Variants in COLEC12 observed in about 807,000 individuals in gnomAD.
COLEC12 encodes the protein collectin subfamily member 12.
A neutral mutation model predicts 71.1 loss-of-function variants in COLEC12; 33 were observed. The observed-to-expected ratio is 0.46, with a 90% CI of 0.35 to 0.62. The LOEUF (loss-of-function observed/expected upper bound fraction) is 0.62. Among genes scored for constraint, COLEC12 ranks in the 20% least tolerant of loss-of-function variants. The pLI is 0.00. For synonymous variants in COLEC12, 350 were observed against 353.0 expected (o/e 0.99, Z 0.10); for missense variants, 765 against 916.1 (o/e 0.84, Z 2.13).
intron 2 of COLEC12, among the ~76,000 whole-genome samples, chr18:361,613 C>A (rs1019972368): frequency 6.6e-6 from 1 of 152,174 alleles, no homozygotes; most frequent in Non-Finnish European, 1.5e-5. Context: ...TCTCTGTAAT[C>A]TGATGGTATA....
In COLEC12 at chr18:368,636, G is replaced by A. The variant is rs527763385; in HGVS notation, c.59-11114C>T. 1.8e-4 allele frequency among the ~76,000 whole-genome samples: 27 copies of A among 152,098 alleles called. No individual in the cohort carries two copies. The South Asian group carries it at 3.7e-3, about 21-fold the overall frequency. On this transcript the variant is annotated intron_variant, in intron 2 of 9. Transcript: ENST00000400256. ...TCCCAGAACTTTGGGAGGCCAAGGT[G>A]GGCGGATCATGAGGTCAGGAGATCG... is the stretch of plus-strand genomic sequence containing the variant.
At chr18:455,461 G>A (rs1165243666) in intron 2 of COLEC12, among the ~76,000 whole-genome samples, 1 of 151,938 alleles carries the variant, frequency 6.6e-6, no homozygotes, top group African/African-American at 2.4e-5. Context: ...GTATTTTTTA[G>A]TAGAGACGGG....
intron 2 of COLEC12, among the ~76,000 whole-genome samples, chr18:455,008 G>A (rs563580721): frequency 9.2e-5 from 14 of 152,204 alleles, no homozygotes; most frequent in African/African-American, 3.4e-4. Flanking sequence ...CATACTTGAC[G>A]ATCACAGATG....
At chr18:386,327 G>A (rs189000753) in intron 2 of COLEC12, among the ~76,000 whole-genome samples, 2 of 152,264 alleles carry the variant, frequency 1.3e-5, no homozygotes, top group South Asian at 2.1e-4. Context: ...AGACTAAAAC[G>A]TGGTCACTGC....
At chr18:351,810 G>A (rs1914529060) in intron 3 of COLEC12, among the ~76,000 whole-genome samples, 1 of 152,208 alleles carries the variant, frequency 6.6e-6, no homozygotes, top group South Asian at 2.1e-4. Flanking sequence ...ACGTATACAT[G>A]TGCCATGTTC....
Position 319,333 on chromosome 18 carries a change from A to ATAT in COLEC12, c.*711_*712insATA, listed in dbSNP as rs1400580381. Reference sequence around the variant, plus strand: ...GGAAATGAAACATTAAAAAAAAAAAAAAAAAAAAATATATATATATATATA... The same window carrying ATAT: ...GGAAATGAAACATTAAAAAAAAAAAATATAAAAAAAAATATATATATATATATA... On this transcript the variant is annotated 3_prime_UTR_variant, in exon 10 of 10. Coordinates refer to ENST00000400256, the MANE Select transcript of COLEC12 (RefSeq NM_130386.3). The ATAT allele has an allele frequency of 1.1e-3, 74 of 65,926 alleles. No individual in the cohort carries two copies. The highest frequency in any genetic ancestry group is 2.9e-3 in the African/African-American group (63 of 21,874). 4.1% of individuals were successfully genotyped at this position (65,926 alleles called of 1,614,324 possible).
chr18:389,556 T>C (rs1435669739), intron 2 of COLEC12, among the ~76,000 whole-genome samples: 1 of 151,618 alleles, frequency 6.6e-6, no homozygotes, highest in Non-Finnish European at 1.5e-5. Context: ...GAGATTACTA[T>C]GCATGAGCCA....
At chr18:401,869 G>A (rs12605749) in intron 2 of COLEC12, among the ~76,000 whole-genome samples, 11,225 of 152,212 alleles carry the variant, frequency 0.074, 546 homozygotes, top group Admixed American at 0.13. Flanking sequence ...ATGATGATCT[G>A]AAACTTGGCG....
chr18:351,137 G>A (rs1475665243), intron 3 of COLEC12, among the ~76,000 whole-genome samples: 2 of 152,134 alleles, frequency 1.3e-5, no homozygotes, highest in African/African-American at 2.4e-5. Context: ...GTGACCCAAA[G>A]TGAACTGGCT....
chr18:339,741 A>G (rs1441116142), intron 5 of COLEC12, among the ~76,000 whole-genome samples: 4 of 152,144 alleles, frequency 2.6e-5, no homozygotes, highest in African/African-American at 9.7e-5. Context: ...GTCAAAACAT[A>G]TTCTATGTGT....
intron 2 of COLEC12, among the ~76,000 whole-genome samples, chr18:420,243 C>G (rs979951005): frequency 1.3e-5 from 2 of 152,104 alleles, no homozygotes; most frequent in African/African-American, 4.8e-5. Flanking sequence ...GGAAAATCAT[C>G]CAAACATGAG....
chr18:376,602 T>G (rs2009107), intron 2 of COLEC12, among the ~76,000 whole-genome samples: 1 of 152,096 alleles, frequency 6.6e-6, no homozygotes, highest in Non-Finnish European at 1.5e-5. Context: ...CTGCAGATGT[T>G]TGTTCTTCCT....
At chr18:367,065 C>T (rs1567886088) in intron 2 of COLEC12, among the ~76,000 whole-genome samples, 1 of 152,202 alleles carries the variant, frequency 6.6e-6, no homozygotes, top group East Asian at 1.9e-4. Context: ...CAGCATTTCT[C>T]CATTTTGTGG....
In COLEC12 at chr18:346,900, A is replaced by G. The variant is rs1207950174; in HGVS notation, c.722T>C (p.Phe241Ser). The G allele has an allele frequency of 6.2e-7, 1 of 1,614,110 alleles. No individual in the cohort carries two copies. ...SQAIQRIKND[F>S]QNLQQVFLQA... ...AAGAAAAACCTGCTGCAGATTTTGA[A>G]AGTCGTTCTTGATTCGCTGGATAGC... Residue 241 changes from phenylalanine (F) to serine (S), a missense_variant, in exon 5 of 10, where the codon TTT becomes TCT. Transcript: ENST00000400256. This position sits in a 1 kb window ranked among gnomAD's most constrained non-coding sequence, Gnocchi z 4.0.
chr18:458,731 T>C (rs148137292), intron 2 of COLEC12, among the ~76,000 whole-genome samples: 1 of 152,354 alleles, frequency 6.6e-6, no homozygotes, highest in East Asian at 1.9e-4. Context: ...TGTCTCTATA[T>C]GATCACTCCT....
At chr18:420,303 T>C (rs1916071966) in intron 2 of COLEC12, among the ~76,000 whole-genome samples, 2 of 152,144 alleles carry the variant, frequency 1.3e-5, no homozygotes, top group South Asian at 4.1e-4. Context: ...TAAAATGAAA[T>C]TTCAGCCCCA....
At chr18:329,335 G>A (rs921560395) in intron 8 of COLEC12, among the ~76,000 whole-genome samples, 2 of 151,948 alleles carry the variant, frequency 1.3e-5, no homozygotes, top group African/African-American at 2.4e-5. Flanking sequence ...GTGCATTTAC[G>A]GCAGTGAAAA....
chr18:419,487 G>A (rs1313660039), intron 2 of COLEC12, among the ~76,000 whole-genome samples: 8 of 152,148 alleles, frequency 5.3e-5, no homozygotes, highest in African/African-American at 1.7e-4. Flanking sequence ...TTACAGGTGA[G>A]AGCCACTGTG....
In COLEC12 at chr18:408,371, T is replaced by C. The variant is rs970040774; in HGVS notation, c.59-50849A>G. Among the ~76,000 whole-genome samples, 1 of 152,124 alleles carries C rather than the reference T, an allele frequency of 6.6e-6. No individual in the cohort carries two copies. Among genetic ancestry groups the C allele is most frequent in the African/African-American group, 2.4e-5 (1 of 41,414 alleles). On this transcript the variant is annotated intron_variant, in intron 2 of 9. Transcript: ENST00000400256. This position sits in a 1 kb window ranked among gnomAD's most constrained non-coding sequence, Gnocchi z 4.3. ...TCTTAAATTTAAGAATCAGAAACAT[T>C]CTCATCATAAATGTAATCCCATCTG...
Sources: allele counts gnomAD v4.1 joint callset (sites outside exome capture counted in the v4.1 genomes callset), GRCh38; gene constraint gnomAD v4.1.1; non-coding constraint Gnocchi (gnomAD v3.1); transcripts MANE v1.5; gene names NCBI Gene and HGNC (gene_info 2026-07-23, HGNC 2026-07-21).